The following SVIL variants were observed in gnomAD, a reference collection of about 807,000 sequenced individuals.
SVIL encodes archvillin.
In SVIL, 101 loss-of-function variants were observed where a neutral mutation model predicts 240.4. That is an observed-to-expected ratio of 0.42 (90% confidence interval 0.36 to 0.50). The LOEUF is 0.50. Among genes scored for constraint, SVIL ranks in the 20% least tolerant of loss-of-function variants. SVIL has a pLI of 0.01. For synonymous variants in SVIL, 999 were observed against 1,100.0 expected (o/e 0.91, Z 1.82); for missense variants, 2,512 against 2,818.7 (o/e 0.89, Z 2.46).
intron 3 of SVIL, among the ~76,000 whole-genome samples, chr10:29,641,028 T>G (rs1164726446): frequency 6.6e-6 from 1 of 152,226 alleles, no homozygotes; most frequent in African/African-American, 2.4e-5. Flanking sequence ...GCAAACTTTT[T>G]GTCTTTTTTA....
At position 29,480,655 on chromosome 10, in the gene SVIL, G is replaced by T. The variant is rs563203342; in HGVS notation, c.5259C>A (p.Ser1753=). The change falls in exon 29 of 38, where the codon TCC becomes TCA. Residue 1753 remains serine (S), a synonymous_variant. Coordinates refer to ENST00000355867, the MANE Select transcript of SVIL (RefSeq NM_021738.3). ...DRRQFEITSV[S]VDVWHILEFD... ...ATTCCAGGATGTGCCAGACATCCAC[G>T]GAAACGCTGGTGATCTCAAACTGCC... 2 of 1,614,084 alleles carry T rather than the reference G, an allele frequency of 1.2e-6. No homozygotes were observed. The highest frequency in any genetic ancestry group is 2.7e-5 in the African/African-American group (2 of 74,926).
chr10:29,578,667 G>T (rs1455723436), intron 1 of SVIL, among the ~76,000 whole-genome samples: 1 of 152,180 alleles, frequency 6.6e-6, no homozygotes, highest in African/African-American at 2.4e-5. Flanking sequence ...CTAGCTAAAG[G>T]ATTATAAAAA....
At chr10:29,494,227 G>A (rs753852770) in intron 20 of SVIL, among the ~76,000 whole-genome samples, 1 of 152,160 alleles carries the variant, frequency 6.6e-6, no homozygotes, top group Non-Finnish European at 1.5e-5. Flanking sequence ...AATGGCCATC[G>A]TTTGCTGACC....
At chr10:29,662,378 G>A (rs985449898) in intron 2 of SVIL, among the ~76,000 whole-genome samples, 10 of 152,122 alleles carry the variant, frequency 6.6e-5, no homozygotes, top group African/African-American at 2.4e-4. Context: ...CAACCATCAA[G>A]GGTTGGATTA....
At chr10:29,622,969 G>A (rs1957721337) in intron 1 of SVIL, among the ~76,000 whole-genome samples, 1 of 152,150 alleles carries the variant, frequency 6.6e-6, no homozygotes, top group Non-Finnish European at 1.5e-5. Flanking sequence ...AACATTTTAT[G>A]TTTTCGGGAC....
intron 3 of SVIL, among the ~76,000 whole-genome samples, chr10:29,657,266 T>A (rs1032453816): frequency 1.3e-5 from 2 of 152,194 alleles, no homozygotes; most frequent in Non-Finnish European, 2.9e-5. Context: ...TGGTGCGCAA[T>A]CAATATTTAA....
Position 29,481,599 on chromosome 10 carries a change from T to C in SVIL, c.5085A>G (p.Glu1695=). 2 of 1,614,106 alleles carry C rather than the reference T, an allele frequency of 1.2e-6. No homozygotes were observed. The highest frequency in any genetic ancestry group is 1.7e-6 in the Non-Finnish European group (2 of 1,180,006). The change falls in exon 28 of 38, where the codon GAA becomes GAG. Residue 1695 remains glutamate, a synonymous_variant. Transcript: ENST00000355867. The part of the protein sequence containing the change: ...LKRSNEKNPG[E]LAQHKEDPRT... ...GCCGGAATACCTTGTGCTGGGCAAG[T>C]TCCCCGGGGTTCTTCTCATTCGATC... is the stretch of plus-strand genomic sequence containing the variant.
At chr10:29,736,154 TC>T (rs1964891322), upstream of SVIL, among the ~76,000 whole-genome samples, 1 of 150,818 alleles carries the variant, frequency 6.6e-6, no homozygotes, top group Non-Finnish European at 1.5e-5. Context: ...ACCAGAGCTG[TC>T]CCCACGCCCC....
In SVIL at chr10:29,470,251, G is replaced by A. The variant is rs745540273; in HGVS notation, c.5843+25C>T. 11 of 1,611,712 alleles carry A rather than the reference G, an allele frequency of 6.8e-6. No individual in the cohort carries two copies. In the Admixed American group the frequency reaches 8.3e-5, roughly 12 times the overall value. The stretch of plus-strand genomic sequence containing the variant: ...CTCTGGGAAGCCCGGTGTGTGGGGG[G>A]ACTCGCCGCAGACACAACACTCACT... On this transcript the variant is annotated intron_variant, in intron 32 of 37. Transcript: ENST00000355867.
intron 2 of SVIL, among the ~76,000 whole-genome samples, chr10:29,662,286 A>C (rs892991740): frequency 6.6e-6 from 1 of 152,116 alleles, no homozygotes; most frequent in East Asian, 1.9e-4. Context: ...GACTGCCTTC[A>C]TCCATCCTCA....
At chr10:29,726,362 A>G (rs1964290388) in intron 1 of SVIL, among the ~76,000 whole-genome samples, 1 of 152,180 alleles carries the variant, frequency 6.6e-6, no homozygotes, top group Non-Finnish European at 1.5e-5. Flanking sequence ...AAGCTTTAGG[A>G]CCTTGGATCT....
chr10:29,713,760 A>G (rs1460082665), intron 1 of SVIL, among the ~76,000 whole-genome samples: 1 of 152,238 alleles, frequency 6.6e-6, no homozygotes, highest in Non-Finnish European at 1.5e-5. Flanking sequence ...AGCATTTCCC[A>G]AACTATGTAC....
Position 29,628,002 on chromosome 10 carries a change from T to C in SVIL, c.-201+6418A>G, listed in dbSNP as rs117414664. The stretch of plus-strand genomic sequence containing the variant: ...TTTTTTCTAACCTGGCTCAAACCTA[T>C]AGAGTTATTAGCTGGTTTAGATGTC... On this transcript the variant is annotated intron_variant, in intron 1 of 37. Transcript: ENST00000355867. Among the ~76,000 whole-genome samples the C allele has an allele frequency of 9.8e-4, 149 of 152,354 alleles. 1 individual carries two copies. The highest frequency in any genetic ancestry group is 9.0e-3 in the East Asian group (47 of 5,196).
At chr10:29,546,964 T>C (rs1401828881) in intron 6 of SVIL, among the ~76,000 whole-genome samples, 1 of 152,238 alleles carries the variant, frequency 6.6e-6, no homozygotes, top group Non-Finnish European at 1.5e-5. Context: ...TGGGTACTAT[T>C]TGTCTTCACT....
intron 1 of SVIL, among the ~76,000 whole-genome samples, chr10:29,603,721 G>A (rs12242148): frequency 0.038 from 5,803 of 152,156 alleles, 355 homozygotes; most frequent in African/African-American, 0.13. Flanking sequence ...ACCCAGGGCC[G>A]GCCAGACTAC....
intron 17 of SVIL, among the ~76,000 whole-genome samples, chr10:29,510,570 C>T (rs374491654): frequency 1.3e-5 from 2 of 151,746 alleles, no homozygotes; most frequent in South Asian, 2.1e-4. Flanking sequence ...ACCATAACGC[C>T]GGCTCCTTTC....
intron 9 of SVIL, 106 bp downstream of exon 9, chr10:29,531,896 G>A: frequency 7.8e-7 from 1 of 1,282,436 alleles, no homozygotes. Context: ...AACAATTATG[G>A]AATCGCCAAC....
intron 1 of SVIL, among the ~76,000 whole-genome samples, chr10:29,699,363 GCA>G (rs1962328398): frequency 1.3e-5 from 2 of 151,678 alleles, no homozygotes; most frequent in East Asian, 1.9e-4. Context: ...GAAATGCAGT[GCA>G]ATCTTGGCTC....
intron 2 of SVIL, among the ~76,000 whole-genome samples, chr10:29,567,904 C>T (rs1439053426): frequency 2.0e-5 from 3 of 152,064 alleles, no homozygotes; most frequent in Admixed American, 2.0e-4. Context: ...GTAGTCCCAG[C>T]CACTCGGGAG....
Sources: gnomAD v4.1 joint callset for allele counts (sites outside exome capture counted in the v4.1 genomes callset) on GRCh38, gnomAD v4.1.1 for gene constraint, MANE v1.5 for transcripts, NCBI Gene and HGNC (gene_info 2026-07-23, HGNC 2026-07-21) for gene names.